The following ANGPT1 variants were observed in gnomAD, a reference collection of about 807,000 sequenced individuals.
ANGPT1 encodes the protein angiopoietin 1, also known as angiopoietin-1.
Under a neutral mutation model 62.2 loss-of-function variants are expected in ANGPT1, and 17 were observed. The ratio of observed to expected loss-of-function variants is 0.27; its 90% CI spans 0.19 to 0.41. The LOEUF (loss-of-function observed/expected upper bound fraction) is 0.41. Ranked by LOEUF, ANGPT1 falls within the 10% of genes least tolerant of loss-of-function variation. The probability of loss-of-function intolerance (pLI) is 1.00; values close to 1 mark genes in which losing one functional copy is unlikely to be tolerated. For missense variants in ANGPT1, 478 were observed against 594.9 expected, an observed-to-expected ratio of 0.80 and a Z score of 2.04; for synonymous variants, 199 against 198.9, an observed-to-expected ratio of 1.00 and a Z score of 0.00.
intron 3 of ANGPT1, among the ~76,000 whole-genome samples, chr8:107,323,071 AGTT>A (rs568155157): frequency 7.2e-4 from 110 of 152,272 alleles, no homozygotes; most frequent in Non-Finnish European, 1.5e-3. Context: ...TTCTGAAAGG[AGTT>A]GGGATGCTTT....
chr8:107,495,751 T>C (rs950648846), intron 1 of ANGPT1, among the ~76,000 whole-genome samples: 3 of 152,214 alleles, frequency 2.0e-5, no homozygotes, highest in African/African-American at 7.2e-5. Flanking sequence ...AAATAAATTT[T>C]ACCAAAGAAA....
intron 7 of ANGPT1, among the ~76,000 whole-genome samples, chr8:107,282,623 C>T (rs1163487476): frequency 1.7e-5 from 2 of 121,068 alleles, no homozygotes; most frequent in Non-Finnish European, 1.7e-5. Flanking sequence ...CCCATAAAAC[C>T]AGAGGTTTGA....
At chr8:107,300,154 T>G (rs1297178461) in intron 5 of ANGPT1, among the ~76,000 whole-genome samples, 1 of 147,336 alleles carries the variant, frequency 6.8e-6, no homozygotes, top group Non-Finnish European at 1.5e-5. Flanking sequence ...CATCTATATA[T>G]AGAGATCTAT....
chr8:107,426,965 T>C (rs1303851771), intron 1 of ANGPT1, among the ~76,000 whole-genome samples: 1 of 152,208 alleles, frequency 6.6e-6, no homozygotes, highest in Non-Finnish European at 1.5e-5. Flanking sequence ...TGACCCTCCA[T>C]ATATTTAAAT....
chr8:107,438,098 T>C (rs1811376895), intron 1 of ANGPT1, among the ~76,000 whole-genome samples: 1 of 152,162 alleles, frequency 6.6e-6, no homozygotes, highest in Non-Finnish European at 1.5e-5. Context: ...TCCACAATGT[T>C]ACCCAAGTCT....
chr8:107,459,667 A>G (rs1367751613), intron 1 of ANGPT1, among the ~76,000 whole-genome samples: 5 of 152,188 alleles, frequency 3.3e-5, no homozygotes, highest in East Asian at 1.9e-4. Flanking sequence ...ATATTCGCCA[A>G]TATAAGCTTT....
At chr8:107,425,289 C>T (rs368945868) in intron 1 of ANGPT1, among the ~76,000 whole-genome samples, 6 of 152,176 alleles carry the variant, frequency 3.9e-5, no homozygotes, top group Non-Finnish European at 8.8e-5. Context: ...GGTGACCATA[C>T]GCTACTATGG....
chr8:107,402,134 T>G (rs1436626186), intron 1 of ANGPT1, among the ~76,000 whole-genome samples: 1 of 152,212 alleles, frequency 6.6e-6, no homozygotes, highest in African/African-American at 2.4e-5. Context: ...ACTCATCACT[T>G]CTGAAGATCC....
intron 1 of ANGPT1, among the ~76,000 whole-genome samples, chr8:107,453,153 T>A (rs2130458887): frequency 6.6e-6 from 1 of 152,200 alleles, no homozygotes; most frequent in Admixed American, 6.6e-5. Flanking sequence ...CATACATTAA[T>A]TTGGCACAGA....
At chr8:107,407,490 ATGT>A (rs774464429) in intron 1 of ANGPT1, among the ~76,000 whole-genome samples, 5 of 152,146 alleles carry the variant, frequency 3.3e-5, no homozygotes, top group South Asian at 2.1e-4. Flanking sequence ...GGGGATGGAA[ATGT>A]TGTGCTTTAG....
intron 1 of ANGPT1, among the ~76,000 whole-genome samples, chr8:107,468,076 T>A (rs867736333): frequency 6.6e-6 from 1 of 152,130 alleles, no homozygotes; most frequent in African/African-American, 2.4e-5. Flanking sequence ...TACAACTTGA[T>A]ACAGAAGATA....
intron 1 of ANGPT1, among the ~76,000 whole-genome samples, chr8:107,410,755 T>C (rs77611315): frequency 2.0e-3 from 303 of 152,296 alleles, no homozygotes; most frequent in African/African-American, 6.9e-3. Flanking sequence ...CGCAAATATA[T>C]GGTCAGCATA....
chr8:107,380,975 C>G (rs1816625691), intron 1 of ANGPT1, among the ~76,000 whole-genome samples: 1 of 152,184 alleles, frequency 6.6e-6, no homozygotes, highest in Admixed American at 6.5e-5. Flanking sequence ...GTTGGGTACT[C>G]CAGATGGATT....
intron 2 of ANGPT1, among the ~76,000 whole-genome samples, chr8:107,342,846 T>A (rs1465269988): frequency 6.6e-6 from 1 of 151,024 alleles, no homozygotes; most frequent in South Asian, 2.1e-4. Flanking sequence ...TATATATATA[T>A]ATATTTAAAG....
intron 7 of ANGPT1, among the ~76,000 whole-genome samples, chr8:107,265,153 G>C (rs1813583301): frequency 1.3e-5 from 2 of 151,324 alleles, no homozygotes; most frequent in South Asian, 4.1e-4. Flanking sequence ...TATAAAACTT[G>C]CATTAACCTA....
At position 107,369,778 on chromosome 8, in the gene ANGPT1, G is replaced by A. The variant is rs367753238; in HGVS notation, c.298-22681C>T. On this transcript the variant is annotated intron_variant, in intron 1 of 8. Transcript: ENST00000517746. The stretch of plus-strand genomic sequence containing the variant: ...AGTCAGAACACACATACCACTTATC[G>A]ATGAAGTTCTCCTACTCATTTGAGT... Among the ~76,000 whole-genome samples, 172 of 152,090 alleles carry A rather than the reference G, an allele frequency of 1.1e-3. 1 individual carries two copies. The highest frequency in any genetic ancestry group is 2.1e-3 in the Non-Finnish European group (141 of 67,992).
At chr8:107,302,293 G>C (rs1412968499) in intron 5 of ANGPT1, among the ~76,000 whole-genome samples, 12 of 151,886 alleles carry the variant, frequency 7.9e-5, no homozygotes, top group East Asian at 1.9e-4. Flanking sequence ...GGGGGCATGA[G>C]GGGAGGACAG....
intron 1 of ANGPT1, among the ~76,000 whole-genome samples, chr8:107,428,376 T>G (rs1811090351): frequency 6.6e-6 from 1 of 152,192 alleles, no homozygotes; most frequent in African/African-American, 2.4e-5. Context: ...GAGACAAGAC[T>G]GACCCCCATG....
intron 1 of ANGPT1, among the ~76,000 whole-genome samples, chr8:107,474,243 A>C (rs925021558): frequency 6.6e-6 from 1 of 152,144 alleles, no homozygotes; most frequent in African/African-American, 2.4e-5. Context: ...CACCATGATC[A>C]AGTGGGCTTC....
Sources: gnomAD v4.1 joint callset for allele counts (sites outside exome capture counted in the v4.1 genomes callset) on GRCh38, gnomAD v4.1.1 for gene constraint, MANE v1.5 for transcripts, NCBI Gene and HGNC (gene_info 2026-07-23, HGNC 2026-07-21) for gene names.